Variants in UMAD1 observed in about 807,000 individuals in gnomAD.
The protein encoded by UMAD1 is UBAP1-MVB12-associated (UMA)-domain containing protein 1.
UMAD1 carries 8 observed loss-of-function variants against 6.1 expected under a neutral mutation model. The observed-to-expected ratio is 1.30, with a 90% CI of 0.76 to 2.35. The LOEUF (loss-of-function observed/expected upper bound fraction) is 2.35, where lower values mean the gene tolerates loss of function less well. Among genes scored for constraint, UMAD1 ranks in the 30% most tolerant of loss-of-function variants. UMAD1 has a pLI of 0.00. For synonymous variants in UMAD1, 56 were observed against 31.4 expected, an observed-to-expected ratio of 1.78 and a Z score of -2.61; for missense variants, 130 against 78.4, an observed-to-expected ratio of 1.66 and a Z score of -2.49.
chr7:7,764,241 C>G (rs1781945903), intron 2 of UMAD1, among the ~76,000 whole-genome samples: 1 of 152,056 alleles, frequency 6.6e-6, no homozygotes, highest in African/African-American at 2.4e-5. Context: ...AAATCTCTTA[C>G]AAATGTCAGT....
intron 2 of UMAD1, among the ~76,000 whole-genome samples, chr7:7,778,224 TTTTGTGTGTGTG>T (rs1392550265): frequency 8.3e-6 from 1 of 120,876 alleles, no homozygotes; most frequent in Admixed American, 8.7e-5. Flanking sequence ...CCAAAACTGG[TTTTGTGTGTGTG>T]TGTGTGTGTG....
intron 2 of UMAD1, among the ~76,000 whole-genome samples, chr7:7,792,792 CAAGATCAAG>C (rs1782593722): frequency 6.6e-6 from 1 of 152,138 alleles, no homozygotes; most frequent in Admixed American, 6.5e-5. Context: ...TTGAGAAGTC[CAAGATCAAG>C]ATGCTGGCAG....
At chr7:7,834,782 T>C (rs930451122) in intron 3 of UMAD1, among the ~76,000 whole-genome samples, 10 of 152,102 alleles carry the variant, frequency 6.6e-5, no homozygotes, top group South Asian at 4.1e-4. Flanking sequence ...ATTGAACGTA[T>C]GGGTGGGGGT....
At chr7:7,686,160 T>C (rs879353851) in intron 2 of UMAD1, among the ~76,000 whole-genome samples, 2 of 152,214 alleles carry the variant, frequency 1.3e-5, no homozygotes, top group Admixed American at 6.5e-5. Flanking sequence ...TTATAAGGTA[T>C]GGTAGAGGAG....
intron 2 of UMAD1, among the ~76,000 whole-genome samples, chr7:7,772,883 A>C (rs1341665039): frequency 6.6e-6 from 1 of 152,208 alleles, no homozygotes; most frequent in Admixed American, 6.5e-5. Context: ...GATTAGATAT[A>C]ACACAAGAAG....
At chr7:7,732,523 A>T (rs768289206) in intron 2 of UMAD1, among the ~76,000 whole-genome samples, 4 of 152,196 alleles carry the variant, frequency 2.6e-5, no homozygotes, top group South Asian at 2.1e-4. Flanking sequence ...GACTTAAATC[A>T]GTGTGCCTAA....
At chr7:7,669,228 T>C (rs962906114) in intron 1 of UMAD1, among the ~76,000 whole-genome samples, 2 of 152,236 alleles carry the variant, frequency 1.3e-5, no homozygotes, top group East Asian at 1.9e-4. Flanking sequence ...ATGTCCCCCA[T>C]GGATAAGGAG....
chr7:7,842,439 C>A (rs915327592), intron 3 of UMAD1, among the ~76,000 whole-genome samples: 1 of 151,570 alleles, frequency 6.6e-6, no homozygotes, highest in Admixed American at 6.6e-5. Flanking sequence ...TTGGCATTAC[C>A]AATATGACAC....
chr7:7,842,617 T>TAA lies in UMAD1; in HGVS notation c.157-34651_157-34650dup, dbSNP rs60451147. Among the ~76,000 whole-genome samples the TAA allele has an allele frequency of 1.2e-4, 18 of 145,850 alleles. No homozygotes were observed. In the South Asian group the frequency reaches 3.0e-3, roughly 24 times the overall value. ...CAAGGCAAATTAAGTTACCTTTTTTTAAAAAAAAAAAAAACTAATATGGGT... is the reference window on the plus strand; with the variant it reads ...CAAGGCAAATTAAGTTACCTTTTTTTAAAAAAAAAAAAAAAACTAATATGGGT... On this transcript the variant is annotated intron_variant, in intron 3 of 3. Coordinates refer to ENST00000682710, the MANE Select transcript of UMAD1 (RefSeq NM_001302348.2).
At chr7:7,657,836 T>TA (rs1412616987) in intron 1 of UMAD1, among the ~76,000 whole-genome samples, 1 of 152,178 alleles carries the variant, frequency 6.6e-6, no homozygotes, top group Non-Finnish European at 1.5e-5. Flanking sequence ...TAGTTTTTTC[T>TA]AATTCTGTGA....
chr7:7,812,232 A>G (rs560793834), intron 3 of UMAD1, among the ~76,000 whole-genome samples: 2 of 152,128 alleles, frequency 1.3e-5, no homozygotes, highest in Non-Finnish European at 2.9e-5. Flanking sequence ...CCCTGTTTCC[A>G]TCCAAACTGC....
chr7:7,855,881 G>A (rs903942138), intron 3 of UMAD1, among the ~76,000 whole-genome samples: 4 of 152,068 alleles, frequency 2.6e-5, no homozygotes, highest in South Asian at 4.1e-4. Context: ...ACCCTACATC[G>A]TCTCTCAAGT....
At chr7:7,755,626 CAA>C (rs1781762047) in intron 2 of UMAD1, among the ~76,000 whole-genome samples, 2 of 152,042 alleles carry the variant, frequency 1.3e-5, no homozygotes, top group South Asian at 4.1e-4. Context: ...TTTGTATTGG[CAA>C]AGACACTCCA....
chr7:7,739,691 T>C (rs933016887), intron 2 of UMAD1, among the ~76,000 whole-genome samples: 8 of 152,216 alleles, frequency 5.3e-5, no homozygotes, highest in African/African-American at 1.7e-4. Flanking sequence ...TATTTCCTGA[T>C]ATTATGTTAA....
intron 2 of UMAD1, among the ~76,000 whole-genome samples, chr7:7,716,982 G>A (rs1450441295): frequency 2.0e-5 from 3 of 152,044 alleles, no homozygotes; most frequent in Middle Eastern, 6.8e-3. Context: ...CCCTGAACCC[G>A]GAAACCCGTT....
chr7:7,654,741 A>G (rs909291285), intron 1 of UMAD1, among the ~76,000 whole-genome samples: 3 of 151,820 alleles, frequency 2.0e-5, no homozygotes, highest in Non-Finnish European at 4.4e-5. Flanking sequence ...CATCTCTACT[A>G]AAAAATACAA....
At chr7:7,786,349 A>G (rs1400341299) in intron 2 of UMAD1, among the ~76,000 whole-genome samples, 1 of 152,234 alleles carries the variant, frequency 6.6e-6, no homozygotes, top group Non-Finnish European at 1.5e-5. Flanking sequence ...TTTTGCAATT[A>G]GATGCAGGTT....
intron 1 of UMAD1, among the ~76,000 whole-genome samples, chr7:7,672,477 A>G (rs1779630816): frequency 6.6e-6 from 1 of 152,138 alleles, no homozygotes; most frequent in South Asian, 2.1e-4. Flanking sequence ...ATGGGTACTG[A>G]TATGGTTTGG....
At chr7:7,861,479 T>G (rs1784114318) in intron 3 of UMAD1, among the ~76,000 whole-genome samples, 1 of 152,250 alleles carries the variant, frequency 6.6e-6, no homozygotes, top group South Asian at 2.1e-4. Flanking sequence ...CACAGCTTTC[T>G]GCTCACCTCT....
Sources: gnomAD v4.1 joint callset for allele counts (sites outside exome capture counted in the v4.1 genomes callset) on GRCh38, gnomAD v4.1.1 for gene constraint, MANE v1.5 for transcripts, NCBI Gene and HGNC (gene_info 2026-07-23, HGNC 2026-07-21) for gene names.